The following SDCCAG8 variants were observed in gnomAD, a reference collection of about 807,000 sequenced individuals.
SDCCAG8 encodes SHH signaling and ciliogenesis regulator SDCCAG8.
Under a neutral mutation model 101.8 loss-of-function variants are expected in SDCCAG8, and 74 were observed. The observed-to-expected ratio is 0.73, with a 90% CI of 0.60 to 0.88. SDCCAG8 has a LOEUF of 0.88. Ranked by LOEUF, SDCCAG8 falls within the 40% of genes least tolerant of loss-of-function variation. SDCCAG8 has a pLI of 0.00. For synonymous variants in SDCCAG8, 281 were observed against 292.9 expected, an observed-to-expected ratio of 0.96 and a Z score of 0.41; for missense variants, 787 against 822.6, an observed-to-expected ratio of 0.96 and a Z score of 0.53.
chr1:243,259,355 C>G (rs1256384912), intron 1 of SDCCAG8, among the ~76,000 whole-genome samples: 1 of 151,398 alleles, frequency 6.6e-6, no homozygotes, highest in Non-Finnish European at 1.5e-5. Flanking sequence ...TGCAGTGAGC[C>G]GAGATCGCGC....
At chr1:243,496,107 G>A (rs183699212) in intron 17 of SDCCAG8, among the ~76,000 whole-genome samples, 1 of 152,378 alleles carries the variant, frequency 6.6e-6, no homozygotes, top group East Asian at 1.9e-4. Context: ...TGAGATCATT[G>A]TGGGCTTGAA....
At chr1:243,360,553 G>T (rs148729030) in intron 12 of SDCCAG8, among the ~76,000 whole-genome samples, 50 of 151,836 alleles carry the variant, frequency 3.3e-4, no homozygotes, top group Admixed American at 1.1e-3. Context: ...GCCAGGTGAG[G>T]TAGCTCACTC....
intron 13 of SDCCAG8, among the ~76,000 whole-genome samples, chr1:243,406,010 C>T (rs1233977656): frequency 4.6e-5 from 7 of 151,966 alleles, no homozygotes; most frequent in South Asian, 4.1e-4. Context: ...GTTATAGAAA[C>T]GCCACTAGAA....
chr1:243,464,881 G>A (rs892555767), intron 16 of SDCCAG8, among the ~76,000 whole-genome samples: 2 of 152,198 alleles, frequency 1.3e-5, no homozygotes, highest in African/African-American at 4.8e-5. Context: ...CATGTCACAG[G>A]TGATTACAGA....
chr1:243,480,935 G>C (rs192737021), intron 16 of SDCCAG8, among the ~76,000 whole-genome samples: 1 of 151,434 alleles, frequency 6.6e-6, no homozygotes, highest in African/African-American at 2.4e-5. Context: ...AGAAGGCCTA[G>C]AGGGCTCATC....
intron 12 of SDCCAG8, among the ~76,000 whole-genome samples, chr1:243,366,811 G>C (rs2077012875): frequency 6.6e-6 from 1 of 151,974 alleles, no homozygotes; most frequent in Non-Finnish European, 1.5e-5. Context: ...TTCATATATA[G>C]TGTGTATATG....
intron 16 of SDCCAG8, among the ~76,000 whole-genome samples, chr1:243,475,069 T>C (rs1337731365): frequency 6.6e-6 from 1 of 152,128 alleles, no homozygotes; most frequent in Non-Finnish European, 1.5e-5. Context: ...GGAGAGGAGC[T>C]GGCAGGGCAG....
At chr1:243,334,658 C>G (rs930851732) in intron 10 of SDCCAG8, among the ~76,000 whole-genome samples, 16 of 152,086 alleles carry the variant, frequency 1.1e-4, no homozygotes, top group African/African-American at 3.9e-4. Flanking sequence ...GTGGGGTGTT[C>G]ACAGCTCACT....
At chr1:243,321,311 G>T (rs2073737407) in intron 9 of SDCCAG8, among the ~76,000 whole-genome samples, 2 of 151,910 alleles carry the variant, frequency 1.3e-5, no homozygotes, top group South Asian at 2.1e-4. Flanking sequence ...ACATGTGTAG[G>T]ATTGTTACAT....
intron 16 of SDCCAG8, among the ~76,000 whole-genome samples, chr1:243,465,677 G>T: frequency 6.6e-6 from 1 of 152,170 alleles, no homozygotes; most frequent in East Asian, 1.9e-4. Context: ...TCGTTTTTCA[G>T]ACACTATAAT....
intron 16 of SDCCAG8, among the ~76,000 whole-genome samples, chr1:243,471,426 G>A (rs761692584): frequency 3.9e-5 from 6 of 152,120 alleles, no homozygotes; most frequent in South Asian, 2.1e-4. Context: ...TATTACGCTC[G>A]TGGGTTCTGT....
At chr1:243,465,978 C>A (rs979627732) in intron 16 of SDCCAG8, among the ~76,000 whole-genome samples, 1 of 152,202 alleles carries the variant, frequency 6.6e-6, no homozygotes, top group Non-Finnish European at 1.5e-5. Context: ...TATTCTAGGG[C>A]AGACTCTCAC....
chr1:243,430,049 G>A (rs925895808), intron 16 of SDCCAG8, among the ~76,000 whole-genome samples: 2 of 151,954 alleles, frequency 1.3e-5, no homozygotes, highest in Non-Finnish European at 2.9e-5. Flanking sequence ...GTCCAGTCTG[G>A]TCTTGAATTC....
At chr1:243,429,752 A>T (rs1489763393) in intron 16 of SDCCAG8, among the ~76,000 whole-genome samples, 1 of 125,420 alleles carries the variant, frequency 8.0e-6, no homozygotes, top group Non-Finnish European at 1.6e-5. Flanking sequence ...CCCAGGGTGG[A>T]GTGCAGTAGC....
intron 12 of SDCCAG8, among the ~76,000 whole-genome samples, chr1:243,362,775 C>A (rs778019241): frequency 6.6e-6 from 1 of 152,160 alleles, no homozygotes; most frequent in Non-Finnish European, 1.5e-5. Flanking sequence ...AGCAGTGGAG[C>A]TATTGCCTAA....
chr1:243,348,018 A>G (rs1256898162), intron 12 of SDCCAG8, among the ~76,000 whole-genome samples: 3 of 144,120 alleles, frequency 2.1e-5, no homozygotes, highest in Non-Finnish European at 4.5e-5. Flanking sequence ...CAGGCTGGAC[A>G]TGCATTTTTT....
At chr1:243,377,905 A>G (rs2077693040) in intron 12 of SDCCAG8, among the ~76,000 whole-genome samples, 1 of 150,310 alleles carries the variant, frequency 6.7e-6, no homozygotes, top group South Asian at 2.1e-4. Context: ...TTAATTTTAC[A>G]GATGTTCTAT....
intron 15 of SDCCAG8, 63 bp downstream of exon 15, chr1:243,418,139 A>G: frequency 8.8e-7 from 1 of 1,132,456 alleles, no homozygotes; most frequent in East Asian, 2.4e-5. Flanking sequence ...ATTTTTCCTT[A>G]AAAAACATCA....
chr1:243,402,738 G>A (rs551594644), intron 13 of SDCCAG8, among the ~76,000 whole-genome samples: 1 of 152,250 alleles, frequency 6.6e-6, no homozygotes, highest in African/African-American at 2.4e-5. Flanking sequence ...ATTCTCATGA[G>A]CTTAAACCCT....
Sources: gnomAD v4.1 joint callset for allele counts (sites outside exome capture counted in the v4.1 genomes callset) on GRCh38, gnomAD v4.1.1 for gene constraint, MANE v1.5 for transcripts, NCBI Gene and HGNC (gene_info 2026-07-23, HGNC 2026-07-21) for gene names.